ZNF407: variants seen among roughly 807,000 people sequenced by gnomAD.
ZNF407 encodes the protein zinc finger protein 407.
Under a neutral mutation model 131.2 loss-of-function variants are expected in ZNF407, and 17 were observed. That is an observed-to-expected ratio of 0.13 (90% CI 0.09 to 0.19). The LOEUF (loss-of-function observed/expected upper bound fraction) is 0.19. Among genes scored for constraint, ZNF407 ranks in the 10% least tolerant of loss-of-function variants. The pLI is 1.00. For synonymous variants in ZNF407, 1,156 were observed against 1,062.0 expected, an observed-to-expected ratio of 1.09 and a Z score of -1.72; for missense variants, 2,681 against 2,830.6, an observed-to-expected ratio of 0.95 and a Z score of 1.20.
Position 74,835,242 on chromosome 18 carries a change from G to T in ZNF407, c.4878-41955G>T, listed in dbSNP as rs572473932. ...GGACATCTGACCACACCATCGGAGT[G>T]TGGGAGACTCACATACCAGGTCCAA... On this transcript the variant is annotated intron_variant, in intron 4 of 8. Coordinates refer to ENST00000299687, the MANE Select transcript of ZNF407 (RefSeq NM_017757.3). Among the ~76,000 whole-genome samples, 295 of 152,332 alleles carry T rather than the reference G, an allele frequency of 1.9e-3. 5 individuals are homozygous for T. The highest frequency in any genetic ancestry group is 6.3e-3 in the African/African-American group (261 of 41,582).
intron 5 of ZNF407, among the ~76,000 whole-genome samples, chr18:74,877,747 T>C (rs1971179670): frequency 6.6e-6 from 1 of 152,222 alleles, no homozygotes; most frequent in Non-Finnish European, 1.5e-5. Flanking sequence ...GTTACTGATA[T>C]AAACGAATTT....
intron 4 of ZNF407, among the ~76,000 whole-genome samples, chr18:74,785,528 G>A (rs1452356536): frequency 6.6e-6 from 1 of 152,152 alleles, no homozygotes; most frequent in Non-Finnish European, 1.5e-5. Context: ...TAATTTATTT[G>A]AAGCCAGTAT....
intron 3 of ZNF407, among the ~76,000 whole-genome samples, chr18:74,702,538 CTG>C (rs1967523322): frequency 6.6e-6 from 1 of 151,830 alleles, no homozygotes; most frequent in Non-Finnish European, 1.5e-5. Context: ...TAGAAAAAGA[CTG>C]TAAGGCATGT....
intron 8 of ZNF407, among the ~76,000 whole-genome samples, chr18:74,970,038 G>A (rs1278762015): frequency 3.3e-5 from 5 of 152,116 alleles, no homozygotes; most frequent in African/African-American, 4.8e-5. Flanking sequence ...CTTTCATGGC[G>A]GCAGCAAGAT....
intron 3 of ZNF407, among the ~76,000 whole-genome samples, chr18:74,705,994 G>A (rs964246721): frequency 1.3e-5 from 2 of 152,168 alleles, no homozygotes; most frequent in African/African-American, 4.8e-5. Flanking sequence ...AAAGATTAGG[G>A]CTGAAGTAGA....
At chr18:74,639,150 C>G (rs1209999816) in intron 2 of ZNF407, among the ~76,000 whole-genome samples, 1 of 152,148 alleles carries the variant, frequency 6.6e-6, no homozygotes, top group African/African-American at 2.4e-5. Context: ...GAGCCATGGA[C>G]AGTAAATTGA....
At chr18:75,059,063 G>A (rs182459646) in intron 8 of ZNF407, among the ~76,000 whole-genome samples, 83 of 152,306 alleles carry the variant, frequency 5.4e-4, no homozygotes, top group East Asian at 3.7e-3. Context: ...GTGCGTGTGC[G>A]GAGGTGAGGA....
chr18:74,631,416 CCTT>C lies in ZNF407; in HGVS notation c.401_403del (p.Ser134del). ...CACATGTCTCCCAAATGCCCTCTCC[CCTT>C]CTTGCAATTTTAGCACTATTGATGT... On this transcript the variant is annotated inframe_deletion, in exon 2 of 9. Coordinates refer to ENST00000299687, the MANE Select transcript of ZNF407 (RefSeq NM_017757.3). 4 of 1,614,012 alleles carry C rather than the reference CCTT, an allele frequency of 2.5e-6. No homozygotes were observed. The highest frequency in any genetic ancestry group is 3.4e-6 in the Non-Finnish European group (4 of 1,179,894).
At chr18:74,763,256 A>G (rs1280848168) in intron 3 of ZNF407, among the ~76,000 whole-genome samples, 2 of 95,610 alleles carry the variant, frequency 2.1e-5, no homozygotes, top group South Asian at 3.6e-4. Flanking sequence ...TGAAGGGTCT[A>G]TGAAAAAAAT....
rs542954741 is a variant in ZNF407 at position 74,850,176 on chromosome 18, A to C, written c.4878-27021A>C. ...TTTACCATTTTTGCACTTTTATTTT[A>C]CTAAAAGGTACAAGTCTATCTTGTT... On this transcript the variant is annotated intron_variant, in intron 4 of 8. Transcript: ENST00000299687. Among the ~76,000 whole-genome samples the C allele has an allele frequency of 1.1e-4, 16 of 152,344 alleles. No homozygotes were observed. In the South Asian group the frequency reaches 3.3e-3, roughly 32 times the overall value.
chr18:74,861,546 T>C (rs1448849953), intron 4 of ZNF407, among the ~76,000 whole-genome samples: 1 of 152,180 alleles, frequency 6.6e-6, no homozygotes, highest in Non-Finnish European at 1.5e-5. Context: ...AGACAACATA[T>C]TCAGGACAGG....
chr18:74,618,658 C>T (rs1249781777), intron 1 of ZNF407, among the ~76,000 whole-genome samples: 1 of 152,078 alleles, frequency 6.6e-6, no homozygotes, highest in East Asian at 1.9e-4. Flanking sequence ...TTTAAAGCTT[C>T]CCATTCAGTC....
At chr18:74,657,444 A>AAAAAAGAGAGAG (rs1985512193) in intron 3 of ZNF407, among the ~76,000 whole-genome samples, 1 of 152,000 alleles carries the variant, frequency 6.6e-6, no homozygotes, top group Non-Finnish European at 1.5e-5. Flanking sequence ...TTGTGTAGGG[A>AAAAAAGAGAGAG]AAAAAAGAGA....
chr18:74,675,771 T>C (rs940639326), intron 3 of ZNF407, among the ~76,000 whole-genome samples: 3 of 152,234 alleles, frequency 2.0e-5, no homozygotes, highest in Non-Finnish European at 4.4e-5. Context: ...GTGGTACTTT[T>C]ACCCTCTTTC....
In ZNF407 at chr18:74,649,595, A is replaced by G. The variant is rs1297292849; in HGVS notation, c.4802+8473A>G. 2.6e-5 allele frequency among the ~76,000 whole-genome samples: 4 copies of G among 152,198 alleles called. No homozygotes were observed. In the South Asian group the frequency reaches 6.2e-4, roughly 24 times the overall value. ...TTAAAAATAGGGTTTTAGAACTTAC[A>G]CTGTTGCCTGGTCCAATCCATCTAG... is the stretch of plus-strand genomic sequence containing the variant. On this transcript the variant is annotated intron_variant, in intron 3 of 8. Transcript: ENST00000299687.
chr18:74,758,175 TTG>T (rs996790504), intron 3 of ZNF407, among the ~76,000 whole-genome samples: 1 of 152,178 alleles, frequency 6.6e-6, no homozygotes, highest in African/African-American at 2.4e-5. Flanking sequence ...ACGTGCTATT[TTG>T]TGTTTTTCTA....
At chr18:74,888,406 A>G (rs912733723) in intron 6 of ZNF407, among the ~76,000 whole-genome samples, 9 of 152,134 alleles carry the variant, frequency 5.9e-5, no homozygotes. Flanking sequence ...AATTCAAATT[A>G]TTATAATTTC....
Position 75,063,518 on chromosome 18 carries a change from C to G in ZNF407, c.5797C>G (p.Gln1933Glu), listed in dbSNP as rs532769963. Reference protein sequence around the residue: ...SVVPGPILPEQLADGATQVVV... With the variant: ...SVVPGPILPEELADGATQVVV... ...GGTGCCCGGACCCATCCTCCCCGAG[C>G]AGCTGGCTGATGGAGCCACCCAGGT... The change falls in exon 9 of 9, where the codon CAG (glutamine) becomes GAG (glutamate). Residue 1933 changes from glutamine to glutamate, a missense_variant. Physicochemically the swap from Gln to Glu is conservative, Grantham distance 29. Around this residue, in one of 6 missense-constraint regions of ZNF407, gnomAD observed 620 missense variants for 583.1 expected, o/e 1.06. Transcript: ENST00000299687. The surrounding 1 kb of genome is among the most constrained non-coding windows in gnomAD (Gnocchi z 6.6). The G allele has an allele frequency of 5.5e-4, 876 of 1,581,644 alleles. 11 individuals are homozygous for G. In the South Asian group the frequency reaches 8.4e-3, roughly 15 times the overall value.
intron 2 of ZNF407, among the ~76,000 whole-genome samples, chr18:74,636,364 T>C (rs1431434331): frequency 6.6e-6 from 1 of 152,136 alleles, no homozygotes; most frequent in African/African-American, 2.4e-5. Flanking sequence ...TGGTGGAAAA[T>C]GCATAAGCTA....
Sources: allele counts gnomAD v4.1 joint callset (sites outside exome capture counted in the v4.1 genomes callset), GRCh38; gene constraint gnomAD v4.1.1; regional missense constraint gnomAD v4.1.1; non-coding constraint Gnocchi (gnomAD v3.1); transcripts MANE v1.5; gene names NCBI Gene and HGNC (gene_info 2026-07-23, HGNC 2026-07-21).